The following XPR1 variants were observed in gnomAD, a reference collection of about 807,000 sequenced individuals.
The protein encoded by XPR1 is xenotropic and polytropic retrovirus receptor 1, also known as solute carrier family 53 member 1.
Under a neutral mutation model 87.5 loss-of-function variants are expected in XPR1, and 28 were observed. That is an observed-to-expected ratio of 0.32 (90% CI 0.24 to 0.44). The LOEUF is 0.44. XPR1 is among the 20% of genes least tolerant of loss of function. The pLI is 1.00. For synonymous variants in XPR1, 300 were observed against 306.1 expected (o/e 0.98, Z 0.21); for missense variants, 559 against 862.3 (o/e 0.65, Z 4.41).
At chr1:180,664,096 G>A (rs1655876833) in intron 1 of XPR1, among the ~76,000 whole-genome samples, 1 of 152,098 alleles carries the variant, frequency 6.6e-6, no homozygotes, top group African/African-American at 2.4e-5. Context: ...ACTTGGTATT[G>A]GGGACCCCAA....
chr1:180,727,426 C>A (rs1448295198), intron 2 of XPR1, among the ~76,000 whole-genome samples: 1 of 151,988 alleles, frequency 6.6e-6, no homozygotes, highest in Non-Finnish European at 1.5e-5. Flanking sequence ...GGCAGATCAC[C>A]TGAGGTCAGG....
intron 2 of XPR1, among the ~76,000 whole-genome samples, chr1:180,750,281 G>T (rs559763258): frequency 6.6e-6 from 1 of 152,208 alleles, no homozygotes; most frequent in African/African-American, 2.4e-5. Context: ...TATTTCTGTA[G>T]TGCATAGCTG....
chr1:180,773,196 A>G (rs1312336806), intron 2 of XPR1, among the ~76,000 whole-genome samples: 1 of 152,196 alleles, frequency 6.6e-6, no homozygotes, highest in East Asian at 1.9e-4. Context: ...AGAAAATGTG[A>G]CTATGAATGT....
chr1:180,768,725 A>AC (rs1290122326), intron 2 of XPR1, among the ~76,000 whole-genome samples: 2 of 152,258 alleles, frequency 1.3e-5, no homozygotes, highest in Non-Finnish European at 2.9e-5. Context: ...AAGTTGCCTA[A>AC]CTAAGGTTTT....
intron 1 of XPR1, among the ~76,000 whole-genome samples, chr1:180,671,260 A>G (rs966933672): frequency 1.3e-5 from 2 of 152,134 alleles, no homozygotes; most frequent in Non-Finnish European, 2.9e-5. Context: ...TGCTTTGGGA[A>G]GATTGATTTG....
At chr1:180,819,981 TTG>T (rs1272152545) in intron 7 of XPR1, among the ~76,000 whole-genome samples, 1 of 151,256 alleles carries the variant, frequency 6.6e-6, no homozygotes, top group Non-Finnish European at 1.5e-5. Flanking sequence ...GATCATGCCA[TTG>T]CACTCCAGCC....
At chr1:180,802,140 T>G (rs1012913362) in intron 3 of XPR1, among the ~76,000 whole-genome samples, 1 of 151,950 alleles carries the variant, frequency 6.6e-6, no homozygotes, top group Non-Finnish European at 1.5e-5. Context: ...TACAACCACT[T>G]TATGAGGGAG....
intron 14 of XPR1, among the ~76,000 whole-genome samples, chr1:180,882,796 T>G (rs1202014619): frequency 1.3e-5 from 2 of 152,222 alleles, no homozygotes; most frequent in Non-Finnish European, 2.9e-5. Context: ...CTCCTCCCTC[T>G]TCTGCATTGT....
intron 2 of XPR1, among the ~76,000 whole-genome samples, chr1:180,732,243 A>T (rs1658581669): frequency 6.6e-6 from 1 of 151,488 alleles, no homozygotes; most frequent in African/African-American, 2.4e-5. Flanking sequence ...GAAGTAAGAC[A>T]TTTTTTTCAA....
chr1:180,759,023 A>G (rs1453448460), intron 2 of XPR1, among the ~76,000 whole-genome samples: 1 of 152,208 alleles, frequency 6.6e-6, no homozygotes, highest in Admixed American at 6.5e-5. Context: ...ACTACTGGGT[A>G]CATAACAAAA....
chr1:180,633,725 A>G (rs1245969803), intron 1 of XPR1, among the ~76,000 whole-genome samples: 1 of 152,348 alleles, frequency 6.6e-6, no homozygotes, highest in African/African-American at 2.4e-5. Context: ...TTCAGCCTGC[A>G]GAGTTGATTT....
At chr1:180,874,914 A>G (rs1014846133) in intron 13 of XPR1, among the ~76,000 whole-genome samples, 3 of 152,254 alleles carry the variant, frequency 2.0e-5, no homozygotes, top group Non-Finnish European at 4.4e-5. Flanking sequence ...TGGCGTTGCT[A>G]CAAGTAAATT....
chr1:180,781,086 C>G (rs1648917267), intron 2 of XPR1, among the ~76,000 whole-genome samples: 1 of 151,622 alleles, frequency 6.6e-6, no homozygotes, highest in Non-Finnish European at 1.5e-5. Flanking sequence ...GGTCTTTGAT[C>G]ACTTTTGACT....
chr1:180,825,209 A>C lies in XPR1; in HGVS notation c.999A>C (p.Ala333=). The change falls in exon 9 of 15, where the codon GCA becomes GCC. Residue 333 remains alanine, a synonymous_variant. Coordinates refer to ENST00000367590, the MANE Select transcript of XPR1 (RefSeq NM_004736.4). The part of the protein sequence containing the change: ...LGILWCLSLL[A]CFFAPISVIP... ...TATTGTGGTGCCTGAGCCTTCTGGC[A>C]TGCTTCTTTGCTCCAATTAGTGTCA... 1 of 1,613,862 alleles carries C rather than the reference A, an allele frequency of 6.2e-7. No homozygotes were observed. Among genetic ancestry groups the C allele is most frequent in the African/African-American group, 1.3e-5 (1 of 75,028 alleles).
intron 9 of XPR1, among the ~76,000 whole-genome samples, chr1:180,833,868 A>G (rs1651170621): frequency 6.6e-6 from 1 of 152,220 alleles, no homozygotes; most frequent in Admixed American, 6.5e-5. Flanking sequence ...TGGAAAATAT[A>G]GACAAGAATT....
intron 7 of XPR1, among the ~76,000 whole-genome samples, chr1:180,824,064 G>A (rs527453136): frequency 2.0e-5 from 3 of 152,286 alleles, no homozygotes; most frequent in African/African-American, 4.8e-5. Context: ...TAATAATGGA[G>A]TAAATGAAGC....
chr1:180,749,639 T>TCACA (rs139363505), intron 2 of XPR1, among the ~76,000 whole-genome samples: 3,073 of 142,394 alleles, frequency 0.022, 86 homozygotes, highest in African/African-American at 0.052. Flanking sequence ...CACATATACA[T>TCACA]CACACACACA....
Position 180,834,996 on chromosome 1 carries a change from G to C in XPR1, c.1257G>C (p.Leu419Phe), listed in dbSNP as rs867121202. 4.3e-6 allele frequency: 7 copies of C among 1,613,846 alleles called. No homozygotes were observed. The highest frequency in any genetic ancestry group is 1.6e-4 in the Middle Eastern group (1 of 6,084). ...AATATATGATCTGCTTCTACAGTTT[G>C]GAGCTCAAATGGGATGAAAGTAAGG... Reference protein sequence around the residue: ...DLEYMICFYSLELKWDESKGL... With the variant: ...DLEYMICFYSFELKWDESKGL... The change falls in exon 10 of 15, where the codon TTG (leucine) becomes TTC (phenylalanine). Residue 419 changes from leucine to phenylalanine, a missense_variant. This residue lies in a region of XPR1 where 264 missense variants were observed against 377.2 expected (regional missense o/e 0.70). Coordinates refer to ENST00000367590, the MANE Select transcript of XPR1 (RefSeq NM_004736.4).
At chr1:180,823,111 C>T (rs865864883) in intron 7 of XPR1, among the ~76,000 whole-genome samples, 2 of 151,912 alleles carry the variant, frequency 1.3e-5, no homozygotes, top group South Asian at 2.1e-4. Flanking sequence ...TGTGGCGTCA[C>T]GCATCTGTAA....
Sources: gnomAD v4.1 joint callset for allele counts (sites outside exome capture counted in the v4.1 genomes callset) on GRCh38, gnomAD v4.1.1 for gene constraint, gnomAD v4.1.1 regional missense constraint, MANE v1.5 for transcripts, NCBI Gene and HGNC (gene_info 2026-07-23, HGNC 2026-07-21) for gene names.